Variants in ARFGEF3 observed in about 807,000 individuals in gnomAD.
The protein encoded by ARFGEF3 is brefeldin A-inhibited guanine nucleotide-exchange protein 3.
ARFGEF3 carries 96 observed loss-of-function variants against 221.7 expected under a neutral mutation model. The ratio of observed to expected loss-of-function variants is 0.43; its 90% CI spans 0.37 to 0.51. The LOEUF is 0.51. Among genes scored for constraint, ARFGEF3 ranks in the 20% least tolerant of loss-of-function variants. The pLI is 0.00. For missense variants in ARFGEF3, 2,410 were observed against 2,789.9 expected (o/e 0.86, Z 3.07); for synonymous variants, 1,145 against 1,126.8 (o/e 1.02, Z -0.32).
rs374047335 is a variant in ARFGEF3 at position 138,209,105 on chromosome 6, T to TG, written c.220-798dup. 3.1e-3 allele frequency among the ~76,000 whole-genome samples: 476 copies of TG among 152,182 alleles called. 4 individuals carry two copies. Among genetic ancestry groups the TG allele is most frequent in the African/African-American group, 0.011 (455 of 41,514 alleles). On this transcript the variant is annotated intron_variant, in intron 3 of 33. Coordinates refer to ENST00000251691, the MANE Select transcript of ARFGEF3 (RefSeq NM_020340.5). ...AATGAATGTCTTCTTGTTGAGGTTT[T>TG]GGGGGGGATGCATTTTCTGATGGGG...
rs577940950 is a variant in ARFGEF3, at chr6:138,218,148, G to A, written c.351+8107G>A. On this transcript the variant is annotated intron_variant, in intron 4 of 33. Coordinates refer to ENST00000251691, the MANE Select transcript of ARFGEF3 (RefSeq NM_020340.5). ...TTTCATGGTCAAGTGTGTCTGCAAG[G>A]GTGTGAGAATTGCATGGTGTGACTG... The A allele has an allele frequency of 3.1e-6, 5 of 1,613,806 alleles. No individual in the cohort carries two copies. In the Admixed American group the frequency reaches 5.0e-5, roughly 16 times the overall value.
Position 138,344,375 on chromosome 6 carries a change from C to G in ARFGEF3, c.*7889C>G, listed in dbSNP as rs1297676936. Reference sequence around the variant, plus strand: ...TTTTTGTTTTGCCTTCTTATTTAGTCAGTTTGGTCATATTTACTTAAAAAA... The same window carrying G: ...TTTTTGTTTTGCCTTCTTATTTAGTGAGTTTGGTCATATTTACTTAAAAAA... On this transcript the variant is annotated 3_prime_UTR_variant, in exon 34 of 34. Transcript: ENST00000251691. 4.6e-5 allele frequency: 7 copies of G among 151,978 alleles called. No individual in the cohort carries two copies. Among genetic ancestry groups the G allele is most frequent in the Admixed American group, 2.0e-4 (3 of 15,264 alleles). 9.4% of individuals were successfully genotyped at this position (151,978 alleles called of 1,614,324 possible).
chr6:138,200,292 A>G (rs1294641305), intron 2 of ARFGEF3, among the ~76,000 whole-genome samples: 2 of 152,140 alleles, frequency 1.3e-5, no homozygotes, highest in Non-Finnish European at 1.5e-5. Context: ...TAAAAACACC[A>G]CCATCATTCT....
At chr6:138,175,192 C>A (rs1352283476) in intron 2 of ARFGEF3, among the ~76,000 whole-genome samples, 1 of 152,142 alleles carries the variant, frequency 6.6e-6, no homozygotes, top group African/African-American at 2.4e-5. Flanking sequence ...TATTGATATT[C>A]AATGCCAGGG....
Position 138,288,103 on chromosome 6 carries a change from G to C in ARFGEF3, c.2896+919G>C, listed in dbSNP as rs571055145. Among the ~76,000 whole-genome samples the C allele has an allele frequency of 7.2e-5, 11 of 152,206 alleles. No homozygotes were observed. The South Asian group carries it at 2.3e-3, about 32-fold the overall frequency. Reference sequence around the variant, plus strand: ...AAAACAAATAAAAAATAAGATTAAGGCCGGGCACAGTGGCTTACGCCTGTA... The same window carrying C: ...AAAACAAATAAAAAATAAGATTAAGCCCGGGCACAGTGGCTTACGCCTGTA... On this transcript the variant is annotated intron_variant, in intron 17 of 33. Transcript: ENST00000251691.
At chr6:138,268,451 A>G (rs1379303927) in intron 12 of ARFGEF3, among the ~76,000 whole-genome samples, 1 of 152,014 alleles carries the variant, frequency 6.6e-6, no homozygotes, top group Admixed American at 6.6e-5. Context: ...TTTCTCAGTG[A>G]CTCCTATCTT....
At chr6:138,193,211 C>T (rs1252888567) in intron 2 of ARFGEF3, among the ~76,000 whole-genome samples, 1 of 152,172 alleles carries the variant, frequency 6.6e-6, no homozygotes, top group Admixed American at 6.5e-5. Context: ...TTTACAATCT[C>T]ATTTGGGAAT....
Position 138,300,044 on chromosome 6 carries a change from A to C in ARFGEF3, c.3828+1259A>C, listed in dbSNP as rs188535856. 7.9e-5 allele frequency among the ~76,000 whole-genome samples: 12 copies of C among 152,300 alleles called. No homozygotes were observed. In the East Asian group the frequency reaches 2.3e-3, roughly 29 times the overall value. The stretch of plus-strand genomic sequence containing the variant: ...AAAGTTTCAAGGTACGTGAGCTCTC[A>C]GTATTTTTAAAAAAGTCACAAAACA... On this transcript the variant is annotated intron_variant, in intron 22 of 33. Transcript: ENST00000251691.
intron 1 of ARFGEF3, among the ~76,000 whole-genome samples, chr6:138,167,274 T>C (rs1412197361): frequency 2.0e-5 from 3 of 152,218 alleles, no homozygotes; most frequent in African/African-American, 4.8e-5. Context: ...TACTCCCAGC[T>C]CTTCTGGAGT....
At position 138,323,707 on chromosome 6, in the gene ARFGEF3, G is replaced by A; in HGVS notation, c.4803G>A (p.Glu1601=). The change falls in exon 30 of 34, where the codon GAG becomes GAA. Residue 1601 remains glutamate (E), a synonymous_variant. Transcript: ENST00000251691. ...VLVTAGPVFT[E]EMWRLACCAL... is the part of the protein sequence containing the mutation. ...TGACAGCGGGCCCTGTGTTCACTGA[G>A]GAGATGTGGAGGCTTGCCTGCTGTG... 1 of 1,613,988 alleles carries A rather than the reference G, an allele frequency of 6.2e-7. No individual in the cohort carries two copies. Among genetic ancestry groups the A allele is most frequent in the East Asian group, 2.2e-5 (1 of 44,878 alleles).
chr6:138,309,723 T>G (rs1422358341), intron 24 of ARFGEF3, among the ~76,000 whole-genome samples: 1 of 152,162 alleles, frequency 6.6e-6, no homozygotes, highest in Non-Finnish European at 1.5e-5. Context: ...GCACTGATGG[T>G]GTAACTCTTA....
At position 138,170,731 on chromosome 6, in the gene ARFGEF3, T is replaced by C. The variant is rs1562341106; in HGVS notation, c.137+18T>C. 9 of 1,468,470 alleles carry C rather than the reference T, an allele frequency of 6.1e-6. No individual in the cohort carries two copies. In the South Asian group the frequency reaches 1.0e-4, roughly 17 times the overall value. The allele number at this position is 1,468,470 out of a possible 1,614,324, so 91.0% of individuals were successfully genotyped here. A position where few individuals can be genotyped will look rare whatever the true frequency, so the allele number is the denominator to read the frequency against. ...GTACTGAGGTAGGAGATGGACATTGTATAATATCACAGAAGTCAATATTAC... is the reference window on the plus strand; with the variant it reads ...GTACTGAGGTAGGAGATGGACATTGCATAATATCACAGAAGTCAATATTAC... On this transcript the variant is annotated intron_variant, in intron 2 of 33. Transcript: ENST00000251691.
At chr6:138,268,285 G>T (rs1778934207) in intron 12 of ARFGEF3, among the ~76,000 whole-genome samples, 1 of 152,182 alleles carries the variant, frequency 6.6e-6, no homozygotes, top group African/African-American at 2.4e-5. Context: ...TGGGAGAAGG[G>T]AAAAACTCCC....
Position 138,335,126 on chromosome 6 carries a change from C to T in ARFGEF3, c.6280C>T (p.Arg2094Cys), listed in dbSNP as rs766259646. 23 of 1,595,822 alleles carry T rather than the reference C, an allele frequency of 1.4e-5. No homozygotes were observed. The highest frequency in any genetic ancestry group is 2.3e-5 in the South Asian group (2 of 88,222). The change falls in exon 33 of 34, where the codon CGC (arginine) becomes TGC (cysteine). Residue 2094 changes from arginine to cysteine, a missense_variant. Arg to Cys is a radical substitution (Grantham distance 180, BLOSUM62 -3). Coordinates refer to ENST00000251691, the MANE Select transcript of ARFGEF3 (RefSeq NM_020340.5). ...GCTGCTGCGACAGGACAAGAGGCCC[C>T]GCTCAGGCTCCACCGGGAGCTCCCT... ...PELLRQDKRP[R>C]SGSTGSSLSV...
At chr6:138,246,199 A>T (rs1383440816) in intron 8 of ARFGEF3, among the ~76,000 whole-genome samples, 3 of 152,204 alleles carry the variant, frequency 2.0e-5, no homozygotes, top group African/African-American at 7.2e-5. Context: ...ATGCACCTGT[A>T]GTAAAGCCAA....
At chr6:138,273,327 G>A (rs1562375671) in intron 12 of ARFGEF3, among the ~76,000 whole-genome samples, 1 of 152,230 alleles carries the variant, frequency 6.6e-6, no homozygotes, top group Non-Finnish European at 1.5e-5. Context: ...GAGGTCTCTT[G>A]TGCTACTCTT....
At chr6:138,240,255 T>C (rs117010871) in intron 6 of ARFGEF3, among the ~76,000 whole-genome samples, 1,977 of 152,238 alleles carry the variant, frequency 0.013, 28 homozygotes, top group Middle Eastern at 0.058. Context: ...AAATCTAAGA[T>C]GTTGAGAAAT....
chr6:138,299,154 A>G (rs1278663252), intron 22 of ARFGEF3, among the ~76,000 whole-genome samples: 1 of 146,608 alleles, frequency 6.8e-6, no homozygotes, highest in Non-Finnish European at 1.5e-5. Context: ...GCCCAGATCA[A>G]TCACGCCACT....
In ARFGEF3 at chr6:138,291,693, G is replaced by C. The variant is rs752759000; in HGVS notation, c.3048-40G>C. On this transcript the variant is annotated intron_variant, in intron 18 of 33. Coordinates refer to ENST00000251691, the MANE Select transcript of ARFGEF3 (RefSeq NM_020340.5). This position sits in a 1 kb window ranked among gnomAD's most constrained non-coding sequence, Gnocchi z 4.5. ...GGGGTTTATGGAGCTGCCGGGGTGAGCTGCAGCGCCTAACAGCTGCTTGTC... is the reference window on the plus strand; with the variant it reads ...GGGGTTTATGGAGCTGCCGGGGTGACCTGCAGCGCCTAACAGCTGCTTGTC... 15 of 1,282,560 alleles carry C rather than the reference G, an allele frequency of 1.2e-5. No homozygotes were observed. The highest frequency in any genetic ancestry group is 2.0e-4 in the Middle Eastern group (1 of 4,978). The allele number at this position is 1,282,560 out of a possible 1,614,324, so 79.4% of individuals were successfully genotyped here.
Sources: allele counts gnomAD v4.1 joint callset (sites outside exome capture counted in the v4.1 genomes callset), GRCh38; gene constraint gnomAD v4.1.1; non-coding constraint Gnocchi (gnomAD v3.1); transcripts MANE v1.5; gene names NCBI Gene and HGNC (gene_info 2026-07-23, HGNC 2026-07-21).